Variants in NLGN1 observed in about 807,000 individuals in gnomAD.
NLGN1 encodes neuroligin-1.
In NLGN1, 12 loss-of-function variants were observed where a neutral mutation model predicts 65.5. That is an observed-to-expected ratio of 0.18 (90% CI 0.12 to 0.30). The LOEUF (loss-of-function observed/expected upper bound fraction) is 0.30, where lower values mean the gene tolerates loss of function less well. NLGN1 is among the 10% of genes least tolerant of loss of function. NLGN1 has a pLI of 1.00. For missense variants in NLGN1, 750 were observed against 1,007.1 expected (o/e 0.74, Z 3.46); for synonymous variants, 350 against 359.5 (o/e 0.97, Z 0.30).
rs181931440 is a variant in NLGN1, at chr3:173,842,254, G to T, written c.646+34422G>T. On this transcript the variant is annotated intron_variant, in intron 4 of 6. Transcript: ENST00000457714. The stretch of plus-strand genomic sequence containing the variant: ...TCCCACCAGGTTTCTCCCATGACAT[G>T]TGGGAAGTGTGAGAGCTACAATTCA... Among the ~76,000 whole-genome samples the T allele has an allele frequency of 3.9e-3, 590 of 152,286 alleles. 3 individuals carry two copies. Among genetic ancestry groups the T allele is most frequent in the African/African-American group, 0.014 (565 of 41,566 alleles).
rs180682782 is a variant in NLGN1, at chr3:173,985,578, C to T, written c.646+177746C>T. On this transcript the variant is annotated intron_variant, in intron 4 of 6. Transcript: ENST00000457714. ...TCACTGGCACAATATTGCCGTACAT[C>T]AGGTAATTTAAATGATTCTGCACCA... 5.3e-3 allele frequency among the ~76,000 whole-genome samples: 807 copies of T among 152,296 alleles called. 20 individuals are homozygous for T. The highest frequency in any genetic ancestry group is 0.014 in the East Asian group (74 of 5,190).
At chr3:173,503,761 G>A (rs1218091230) in intron 2 of NLGN1, among the ~76,000 whole-genome samples, 10 of 151,970 alleles carry the variant, frequency 6.6e-5, no homozygotes, top group Admixed American at 6.6e-4. Context: ...TATCCTGAAA[G>A]ACTTAACTCC....
intron 4 of NLGN1, among the ~76,000 whole-genome samples, chr3:173,929,665 C>G (rs1364135021): frequency 5.4e-5 from 8 of 147,434 alleles, no homozygotes; most frequent in Non-Finnish European, 1.0e-4. Context: ...AAGTGTATGT[C>G]TACCCAATAA....
At chr3:174,206,038 C>A (rs1735340404) in intron 4 of NLGN1, among the ~76,000 whole-genome samples, 1 of 151,956 alleles carries the variant, frequency 6.6e-6, no homozygotes, top group Admixed American at 6.6e-5. Flanking sequence ...ACTGTAGAAC[C>A]CAAAATCAAA....
At chr3:173,449,656 A>G (rs1721099102) in intron 2 of NLGN1, among the ~76,000 whole-genome samples, 1 of 152,158 alleles carries the variant, frequency 6.6e-6, no homozygotes, top group African/African-American at 2.4e-5. Context: ...TAATGTTGAC[A>G]GTGGGGTGTT....
At chr3:174,183,797 C>A (rs1226869027) in intron 4 of NLGN1, among the ~76,000 whole-genome samples, 1 of 152,092 alleles carries the variant, frequency 6.6e-6, no homozygotes, top group African/African-American at 2.4e-5. Flanking sequence ...TGTTAATACT[C>A]CTTCTTTTCC....
At chr3:173,515,861 G>A (rs1255801941) in intron 2 of NLGN1, among the ~76,000 whole-genome samples, 1 of 151,936 alleles carries the variant, frequency 6.6e-6, no homozygotes, top group African/African-American at 2.4e-5. Flanking sequence ...GACCATATAT[G>A]CATGGGTTTA....
At chr3:173,725,797 C>G (rs114353793) in intron 3 of NLGN1, among the ~76,000 whole-genome samples, 3 of 152,100 alleles carry the variant, frequency 2.0e-5, no homozygotes, top group African/African-American at 7.2e-5. Context: ...CCACTTCAAA[C>G]TGCCTCAGGT....
chr3:173,771,359 T>C (rs747293565), intron 3 of NLGN1, among the ~76,000 whole-genome samples: 6 of 152,200 alleles, frequency 3.9e-5, no homozygotes, highest in Non-Finnish European at 5.9e-5. Flanking sequence ...CATCTGAATT[T>C]TGCAATCTTA....
intron 4 of NLGN1, among the ~76,000 whole-genome samples, chr3:174,233,199 G>C (rs936474965): frequency 6.6e-6 from 1 of 152,024 alleles, no homozygotes; most frequent in Non-Finnish European, 1.5e-5. Flanking sequence ...AAAAGTTCAA[G>C]GTGCCAGGCA....
In NLGN1 at chr3:173,862,402, A is replaced by G. The variant is rs536402880; in HGVS notation, c.646+54570A>G. Among the ~76,000 whole-genome samples, 17 of 142,704 alleles carry G rather than the reference A, an allele frequency of 1.2e-4. No homozygotes were observed. The South Asian group carries it at 4.0e-3, about 34-fold the overall frequency. 93.6% of individuals were successfully genotyped at this position (142,704 alleles called of 152,430 possible). On this transcript the variant is annotated intron_variant, in intron 4 of 6. Transcript: ENST00000457714. The stretch of plus-strand genomic sequence containing the variant: ...GCGCCTGTAGTCCCAGCTACTTGGG[A>G]GGCTGAGGCAGGAGAATGGCGTGAA...
chr3:173,561,194 T>G (rs2149297694), intron 2 of NLGN1, among the ~76,000 whole-genome samples: 1 of 152,294 alleles, frequency 6.6e-6, no homozygotes, highest in African/African-American at 2.4e-5. Context: ...GACTTTCAGT[T>G]TAGGAATGAC....
At chr3:173,447,393 C>T (rs957531290) in intron 2 of NLGN1, among the ~76,000 whole-genome samples, 2 of 152,158 alleles carry the variant, frequency 1.3e-5, no homozygotes, top group Non-Finnish European at 2.9e-5. Context: ...GGCATTATTT[C>T]TGAGGGCTCT....
intron 1 of NLGN1, among the ~76,000 whole-genome samples, chr3:173,404,010 T>A (rs1389247671): frequency 6.6e-6 from 1 of 152,158 alleles, no homozygotes; most frequent in Admixed American, 6.5e-5. Context: ...GGAAAAGAGA[T>A]AGCAGTTGTG....
At chr3:173,617,662 G>C (rs1015539953) in intron 3 of NLGN1, among the ~76,000 whole-genome samples, 2 of 152,136 alleles carry the variant, frequency 1.3e-5, no homozygotes, top group African/African-American at 4.8e-5. Flanking sequence ...CTCTGTCACG[G>C]GCCCTCGAGG....
At chr3:173,608,153 T>C (rs1751684800) in intron 3 of NLGN1, among the ~76,000 whole-genome samples, 1 of 151,938 alleles carries the variant, frequency 6.6e-6, no homozygotes, top group Non-Finnish European at 1.5e-5. Context: ...TGTTCTATAA[T>C]TTTTAAATAG....
intron 4 of NLGN1, among the ~76,000 whole-genome samples, chr3:173,975,145 A>G (rs1257493905): frequency 6.6e-6 from 1 of 152,050 alleles, no homozygotes; most frequent in Non-Finnish European, 1.5e-5. Context: ...GTTTACACTT[A>G]CAGTTGTCTT....
chr3:174,152,945 T>C (rs1458806407), intron 4 of NLGN1, among the ~76,000 whole-genome samples: 1 of 152,168 alleles, frequency 6.6e-6, no homozygotes, highest in African/African-American at 2.4e-5. Flanking sequence ...TTACTATCTT[T>C]TCATGCACTT....
intron 4 of NLGN1, among the ~76,000 whole-genome samples, chr3:173,839,705 G>A (rs1724406287): frequency 6.6e-6 from 1 of 152,100 alleles, no homozygotes; most frequent in African/African-American, 2.4e-5. Flanking sequence ...ACAGGCGTGA[G>A]CCGCTGCGCC....
Sources: allele counts gnomAD v4.1 joint callset (sites outside exome capture counted in the v4.1 genomes callset), GRCh38; gene constraint gnomAD v4.1.1; transcripts MANE v1.5; gene names NCBI Gene and HGNC (gene_info 2026-07-23, HGNC 2026-07-21).